MTA3: variants seen among roughly 807,000 people sequenced by gnomAD.
MTA3 encodes metastasis associated 1 family member 3.
A neutral mutation model predicts 83.5 loss-of-function variants in MTA3; 34 were observed. That is an observed-to-expected ratio of 0.41 (90% CI 0.31 to 0.54). MTA3 has a LOEUF of 0.54. Among genes scored for constraint, MTA3 ranks in the 20% least tolerant of loss-of-function variants. The pLI, the probability that MTA3 is intolerant of heterozygous loss-of-function variation, is 0.33. For synonymous variants in MTA3, 303 were observed against 252.7 expected (o/e 1.20, Z -1.89); for missense variants, 761 against 726.4 (o/e 1.05, Z -0.55).
At position 42,591,890 on chromosome 2, in the gene MTA3, C is replaced by T. The variant is rs540085339; in HGVS notation, c.190+12690C>T. ...GGTCTCTATCTCCTGACTTCGGGATCTGCCCACCTTGACCTCCCAAAGTGT... is the reference window on the plus strand; with the variant it reads ...GGTCTCTATCTCCTGACTTCGGGATTTGCCCACCTTGACCTCCCAAAGTGT... On this transcript the variant is annotated intron_variant, in intron 3 of 16. Transcript: ENST00000405094. Among the ~76,000 whole-genome samples, 22 of 152,260 alleles carry T rather than the reference C, an allele frequency of 1.4e-4. No homozygotes were observed. The South Asian group carries it at 4.3e-3, about 30-fold the overall frequency.
intron 2 of MTA3, among the ~76,000 whole-genome samples, chr2:42,538,523 C>T (rs552692631): frequency 6.6e-6 from 1 of 151,966 alleles, no homozygotes; most frequent in South Asian, 2.1e-4. Flanking sequence ...GCCTGGCCAA[C>T]ATGGTGAAAT....
chr2:42,685,238 T>C (rs556642837), intron 9 of MTA3, among the ~76,000 whole-genome samples: 12 of 152,352 alleles, frequency 7.9e-5, no homozygotes, highest in African/African-American at 2.6e-4. Context: ...GATTTTTTTG[T>C]TGTCTTTGTG....
At chr2:42,564,169 G>A (rs1008424878), upstream of MTA3, among the ~76,000 whole-genome samples, 3 of 152,064 alleles carry the variant, frequency 2.0e-5, no homozygotes, top group African/African-American at 4.8e-5. Flanking sequence ...GAAATAGTAG[G>A]GTCAGTTAGG....
Position 42,665,824 on chromosome 2 carries a change from A to G in MTA3, c.702+5962A>G, listed in dbSNP as rs1048543021. Among the ~76,000 whole-genome samples the G allele has an allele frequency of 4.6e-5, 7 of 152,336 alleles. No individual in the cohort carries two copies. In the South Asian group the frequency reaches 1.0e-3, roughly 23 times the overall value. On this transcript the variant is annotated intron_variant, in intron 8 of 16. Coordinates refer to ENST00000405094, the MANE Select transcript of MTA3 (RefSeq NM_001330442.2). ...CCGAAGGGACAAAACAATACATTGT[A>G]TAAGGACTGACATTTAATTGGTGAC...
chr2:42,542,747 G>A (rs546941312), intron 2 of MTA3, among the ~76,000 whole-genome samples: 1 of 151,734 alleles, frequency 6.6e-6, no homozygotes. Flanking sequence ...AGTAGAGACA[G>A]GGCTTCACCA....
chr2:42,550,824 C>T (rs1184794759), intron 2 of MTA3, among the ~76,000 whole-genome samples: 3 of 152,022 alleles, frequency 2.0e-5, no homozygotes, highest in African/African-American at 7.2e-5. Context: ...GGTGGATCAA[C>T]TGAGGTCAGG....
At chr2:42,627,681 A>T (rs1160935592) in intron 4 of MTA3, among the ~76,000 whole-genome samples, 2 of 149,960 alleles carry the variant, frequency 1.3e-5, no homozygotes, top group African/African-American at 4.9e-5. Flanking sequence ...CTCCTGCCTC[A>T]GCCTCCCAAG....
intron 2 of MTA3, among the ~76,000 whole-genome samples, chr2:42,527,242 C>G (rs913293232): frequency 6.6e-6 from 1 of 152,024 alleles, no homozygotes; most frequent in Admixed American, 6.6e-5. Context: ...AATCAAGGCT[C>G]AGCTGTGTTG....
chr2:42,676,470 T>C (rs2104421872), intron 8 of MTA3, among the ~76,000 whole-genome samples: 1 of 152,256 alleles, frequency 6.6e-6, no homozygotes, highest in South Asian at 2.1e-4. Flanking sequence ...CTGTTAATTA[T>C]AAAAATTTCT....
At chr2:42,689,236 A>G (rs564161664) in intron 9 of MTA3, among the ~76,000 whole-genome samples, 1 of 152,280 alleles carries the variant, frequency 6.6e-6, no homozygotes, top group African/African-American at 2.4e-5. Context: ...ATTTCCCAGT[A>G]TTTTGTTAAG....
intron 2 of MTA3, among the ~76,000 whole-genome samples, chr2:42,508,723 G>A (rs1674753876): frequency 1.4e-5 from 2 of 147,828 alleles, no homozygotes; most frequent in South Asian, 4.2e-4. Flanking sequence ...GTTAAGGGGG[G>A]AATATGTTGT....
chr2:42,699,677 G>T (rs1196215032), intron 11 of MTA3, among the ~76,000 whole-genome samples: 3 of 152,164 alleles, frequency 2.0e-5, no homozygotes, highest in Admixed American at 2.0e-4. Flanking sequence ...TTCTGGCACA[G>T]TGAAGTGGGT....
intron 3 of MTA3, among the ~76,000 whole-genome samples, chr2:42,594,713 T>C (rs1206746952): frequency 5.1e-5 from 2 of 39,334 alleles, no homozygotes; most frequent in Non-Finnish European, 8.1e-5. Flanking sequence ...TACATATATA[T>C]ATATATATAT....
At chr2:42,535,596 G>C (rs1676191072) in intron 2 of MTA3, among the ~76,000 whole-genome samples, 1 of 152,160 alleles carries the variant, frequency 6.6e-6, no homozygotes, top group Non-Finnish European at 1.5e-5. Flanking sequence ...TCATTGGCTA[G>C]AAGTTGGTCA....
At chr2:42,525,112 C>G in intron 2 of MTA3, among the ~76,000 whole-genome samples, 1 of 148,376 alleles carries the variant, frequency 6.7e-6, no homozygotes, top group Non-Finnish European at 1.5e-5. Flanking sequence ...TCCCCCCTCC[C>G]CCACCTGTGG....
At chr2:42,494,586 C>G (rs1328970853) in exon 1 of MTA3, 1 of 152,352 alleles carries the variant, frequency 6.6e-6, no homozygotes, top group East Asian at 1.9e-4. Flanking sequence ...GTGCCGCCTG[C>G]CAGCCCGCGG....
chr2:42,652,076 A>G (rs555966334), intron 6 of MTA3, among the ~76,000 whole-genome samples: 26 of 152,144 alleles, frequency 1.7e-4, no homozygotes, highest in African/African-American at 5.8e-4. Context: ...CAGGGTGGGC[A>G]ACAAGAAAAA....
At chr2:42,650,506 C>A (rs1240981315) in intron 6 of MTA3, among the ~76,000 whole-genome samples, 1 of 152,052 alleles carries the variant, frequency 6.6e-6, no homozygotes, top group African/African-American at 2.4e-5. Context: ...GTGGCACGAT[C>A]TCGGTTCACT....
At chr2:42,610,386 C>T (rs1411350361) in intron 4 of MTA3, among the ~76,000 whole-genome samples, 1 of 152,152 alleles carries the variant, frequency 6.6e-6, no homozygotes, top group Non-Finnish European at 1.5e-5. Context: ...TCCTTAATAA[C>T]ACCTGATGTA....
Sources: gnomAD v4.1 joint callset for allele counts (sites outside exome capture counted in the v4.1 genomes callset) on GRCh38, gnomAD v4.1.1 for gene constraint, MANE v1.5 for transcripts, NCBI Gene and HGNC (gene_info 2026-07-23, HGNC 2026-07-21) for gene names.